FOXP1: variants seen among roughly 807,000 people sequenced by gnomAD.
FOXP1 encodes the protein forkhead box protein P1.
Under a neutral mutation model 98.2 loss-of-function variants are expected in FOXP1, and 15 were observed. The ratio of observed to expected loss-of-function variants is 0.15; its 90% CI spans 0.10 to 0.24. The LOEUF (loss-of-function observed/expected upper bound fraction) is 0.24, where lower values mean the gene tolerates loss of function less well. Among genes scored for constraint, FOXP1 ranks in the 10% least tolerant of loss-of-function variants. FOXP1 has a pLI of 1.00. For missense variants in FOXP1, 633 were observed against 848.5 expected (o/e 0.75, Z 3.15); for synonymous variants, 371 against 314.5 (o/e 1.18, Z -1.90).
chr3:71,463,351 T>A (rs1243375550), intron 3 of FOXP1, among the ~76,000 whole-genome samples: 1 of 79,052 alleles, frequency 1.3e-5, no homozygotes, highest in Non-Finnish European at 2.5e-5. Context: ...TAAGACACTG[T>A]CTCAAAAAAA....
chr3:71,577,240 T>C (rs771137396), intron 2 of FOXP1, among the ~76,000 whole-genome samples: 15 of 152,188 alleles, frequency 9.9e-5, no homozygotes, highest in Non-Finnish European at 1.6e-4. Flanking sequence ...CTTTCCCCCA[T>C]TGTACTTCCT....
intron 6 of FOXP1, among the ~76,000 whole-genome samples, chr3:71,184,291 AT>A (rs1412280870): frequency 6.6e-6 from 1 of 152,188 alleles, no homozygotes; most frequent in Non-Finnish European, 1.5e-5. Context: ...AAGCCTCTTG[AT>A]GTCCAATGCC....
intron 3 of FOXP1, among the ~76,000 whole-genome samples, chr3:71,432,083 C>A (rs949040503): frequency 1.3e-5 from 2 of 152,182 alleles, no homozygotes; most frequent in African/African-American, 2.4e-5. Flanking sequence ...AAGGGCCAAA[C>A]AATGTGCCAG....
intron 2 of FOXP1, among the ~76,000 whole-genome samples, chr3:71,579,170 C>T (rs1207869805): frequency 6.6e-6 from 1 of 151,956 alleles, no homozygotes. Context: ...TTTACTTATC[C>T]TGTTTCCTAC....
chr3:70,966,209 T>A, intron 19 of FOXP1, 153 bp from the exon 20 acceptor site: 8 of 734,282 alleles, frequency 1.1e-5, no homozygotes, highest in East Asian at 2.8e-5. Context: ...GATTTTGCTT[T>A]AAAAACGACT....
At chr3:71,393,693 G>T (rs2081190855) in intron 3 of FOXP1, among the ~76,000 whole-genome samples, 1 of 152,132 alleles carries the variant, frequency 6.6e-6, no homozygotes, top group African/African-American at 2.4e-5. Flanking sequence ...AACTTAACAA[G>T]AAAGTCTTCC....
intron 17 of FOXP1, 75 bp from the exon 18 acceptor site, chr3:70,972,751 C>T (rs2036538349): frequency 6.8e-7 from 1 of 1,474,542 alleles, no homozygotes; most frequent in Admixed American, 1.8e-5. Context: ...TAAATTCAGC[C>T]TAACAGTCCA....
chr3:71,196,439 C>T (rs2063307766), intron 6 of FOXP1, among the ~76,000 whole-genome samples: 1 of 152,112 alleles, frequency 6.6e-6, no homozygotes. Flanking sequence ...TGGCTTACTA[C>T]TTTGAGATCC....
intron 6 of FOXP1, among the ~76,000 whole-genome samples, chr3:71,121,751 A>G (rs1181228000): frequency 1.3e-5 from 2 of 152,204 alleles, no homozygotes; most frequent in Non-Finnish European, 2.9e-5. Flanking sequence ...AACAGAAGTG[A>G]AGTTTATTAG....
Position 71,340,476 on chromosome 3 carries a change from C to T in FOXP1, c.-73+18674G>A, listed in dbSNP as rs181708747. Among the ~76,000 whole-genome samples the T allele has an allele frequency of 9.1e-4, 138 of 152,258 alleles. 1 individual carries two copies. Among genetic ancestry groups the T allele is most frequent in the Non-Finnish European group, 1.0e-4 (7 of 68,030 alleles). ...CCTGGAGTTTGCCACGTGGCCTCCA[C>T]ACAGAAAGGGCTGTAGAGTCAGAGA... On this transcript the variant is annotated intron_variant, in intron 4 of 20. Coordinates refer to ENST00000649528, the MANE Select transcript of FOXP1 (RefSeq NM_001349338.3).
At chr3:71,158,111 G>GGGAGGGAA (rs1284899687) in intron 6 of FOXP1, among the ~76,000 whole-genome samples, 22,818 of 57,322 alleles carry the variant, frequency 0.4, 5,695 homozygotes, top group Non-Finnish European at 0.55. Context: ...AAGGAAGGGA[G>GGGAGGGAA]GGAGGGAGGG....
At chr3:71,459,042 C>T (rs891534247) in intron 3 of FOXP1, among the ~76,000 whole-genome samples, 23 of 151,952 alleles carry the variant, frequency 1.5e-4, no homozygotes, top group Admixed American at 1.3e-3. Context: ...TATTTTTTTT[C>T]TGCTCTCACT....
chr3:71,226,890 G>A (rs554006397), intron 5 of FOXP1, among the ~76,000 whole-genome samples: 43 of 152,152 alleles, frequency 2.8e-4, no homozygotes, highest in Non-Finnish European at 4.3e-4. Context: ...ACACTGGTCA[G>A]ACTGGGGTAA....
intron 7 of FOXP1, among the ~76,000 whole-genome samples, chr3:71,098,023 T>C (rs2056623865): frequency 6.6e-6 from 1 of 152,228 alleles, no homozygotes; most frequent in South Asian, 2.1e-4. Flanking sequence ...TAGGCTGCAT[T>C]TAACATTAGT....
At chr3:71,379,138 G>A (rs1008832923) in intron 3 of FOXP1, among the ~76,000 whole-genome samples, 3 of 151,490 alleles carry the variant, frequency 2.0e-5, no homozygotes, top group African/African-American at 4.9e-5. Flanking sequence ...TCTTCCTTTC[G>A]CTGCCTCTCA....
intron 6 of FOXP1, among the ~76,000 whole-genome samples, chr3:71,187,644 T>C (rs757253927): frequency 2.0e-5 from 3 of 152,198 alleles, no homozygotes; most frequent in Non-Finnish European, 2.9e-5. Context: ...GATATATACA[T>C]ATAGCACACA....
At chr3:71,295,316 C>A (rs2073173409) in intron 5 of FOXP1, among the ~76,000 whole-genome samples, 1 of 152,132 alleles carries the variant, frequency 6.6e-6, no homozygotes, top group Non-Finnish European at 1.5e-5. Flanking sequence ...GGTAAATGTT[C>A]AAATCACTCA....
At chr3:71,385,925 T>C (rs2080539714) in intron 3 of FOXP1, among the ~76,000 whole-genome samples, 1 of 152,138 alleles carries the variant, frequency 6.6e-6, no homozygotes, top group African/African-American at 2.4e-5. Flanking sequence ...GTGTATTTCA[T>C]CACCTTCCAA....
At chr3:71,039,177 G>A (rs888808529) in intron 11 of FOXP1, among the ~76,000 whole-genome samples, 3 of 150,860 alleles carry the variant, frequency 2.0e-5, no homozygotes, top group South Asian at 2.1e-4. Context: ...CTTCTTTTTT[G>A]CATGTACAAT....
Sources: gnomAD v4.1 joint callset for allele counts (sites outside exome capture counted in the v4.1 genomes callset) on GRCh38, gnomAD v4.1.1 for gene constraint, MANE v1.5 for transcripts, NCBI Gene and HGNC (gene_info 2026-07-23, HGNC 2026-07-21) for gene names.